Variants in PARD3 observed in about 807,000 individuals in gnomAD.
PARD3 encodes the protein partitioning defective 3 homolog.
A neutral mutation model predicts 155.4 loss-of-function variants in PARD3; 75 were observed. That is an observed-to-expected ratio of 0.48 (90% CI 0.40 to 0.58). The LOEUF is 0.58. Among genes scored for constraint, PARD3 ranks in the 20% least tolerant of loss-of-function variants. The pLI is 0.00. For synonymous variants in PARD3, 576 were observed against 610.5 expected (o/e 0.94, Z 0.83); for missense variants, 1,642 against 1,721.7 (o/e 0.95, Z 0.82).
At position 34,384,303 on chromosome 10, in the gene PARD3, G is replaced by A. The variant is rs374044059; in HGVS notation, c.891-49C>T. 27 of 1,560,332 alleles carry A rather than the reference G, an allele frequency of 1.7e-5. 1 individual carries two copies. In the African/African-American group the frequency reaches 3.4e-4, roughly 20 times the overall value. ...ATTACACATGTAATATCTCCACCAT[G>A]CACACTGCCTTACCACTTTAATGCT... On this transcript the variant is annotated intron_variant, in intron 7 of 24. Transcript: ENST00000374788.
intron 23 of PARD3, 76 bp downstream of exon 23, chr10:34,131,387 T>C: frequency 6.5e-7 from 1 of 1,537,996 alleles, no homozygotes; most frequent in Non-Finnish European, 9.0e-7. Context: ...CATAGAGCAT[T>C]GAGGTCATAG....
chr10:34,754,042 C>T (rs570188287), intron 1 of PARD3, among the ~76,000 whole-genome samples: 1 of 151,304 alleles, frequency 6.6e-6, no homozygotes, highest in South Asian at 2.1e-4. Context: ...TTAGAGACAT[C>T]GTCTCCTTGT....
intron 22 of PARD3, among the ~76,000 whole-genome samples, chr10:34,202,587 A>C (rs1951269865): frequency 6.6e-6 from 1 of 152,196 alleles, no homozygotes; most frequent in Non-Finnish European, 1.5e-5. Flanking sequence ...GATGATCAAG[A>C]ACCAGGCAAG....
intron 5 of PARD3, among the ~76,000 whole-genome samples, chr10:34,413,888 A>G (rs989331686): frequency 5.3e-5 from 8 of 152,244 alleles, no homozygotes; most frequent in African/African-American, 1.9e-4. Context: ...GACACTAGTA[A>G]TAACATTGCA....
chr10:34,349,504 G>A (rs1837776359), intron 14 of PARD3, among the ~76,000 whole-genome samples: 1 of 138,684 alleles, frequency 7.2e-6, no homozygotes, highest in Non-Finnish European at 1.5e-5. Context: ...AAATATTCAA[G>A]GTCTCTGATG....
At chr10:34,671,024 A>G (rs2133244344) in intron 2 of PARD3, among the ~76,000 whole-genome samples, 1 of 152,352 alleles carries the variant, frequency 6.6e-6, no homozygotes, top group African/African-American at 2.4e-5. Context: ...GAGGCAGATG[A>G]GGTAGCATCT....
intron 5 of PARD3, among the ~76,000 whole-genome samples, chr10:34,450,060 A>G (rs1341844769): frequency 2.0e-5 from 3 of 152,224 alleles, no homozygotes; most frequent in Non-Finnish European, 2.9e-5. Flanking sequence ...GTAGCATTAC[A>G]AACTCTAAAG....
At chr10:34,383,060 A>C in intron 8 of PARD3, 138 bp from the exon 9 acceptor site, 1 of 821,702 alleles carries the variant, frequency 1.2e-6, no homozygotes. Context: ...CTAATAACCC[A>C]TTTATCAATC....
chr10:34,344,370 C>T, intron 15 of PARD3: 1 of 790,240 alleles, frequency 1.3e-6, no homozygotes, highest in Non-Finnish European at 1.5e-6. Flanking sequence ...GCAAGCTCTG[C>T]CTCCTGGGTT....
chr10:34,547,137 C>G (rs913997562), intron 2 of PARD3, among the ~76,000 whole-genome samples: 3 of 152,200 alleles, frequency 2.0e-5, no homozygotes, highest in Admixed American at 2.0e-4. Flanking sequence ...TTGAACAGTT[C>G]ATCAAAAAGC....
intron 2 of PARD3, among the ~76,000 whole-genome samples, chr10:34,635,219 C>A (rs2092425206): frequency 6.6e-6 from 1 of 152,248 alleles, no homozygotes; most frequent in African/African-American, 2.4e-5. Flanking sequence ...TGCTCTCAGC[C>A]CACCATGTTG....
rs1045568560 is a variant in PARD3 at position 34,369,693 on chromosome 10, A to G, written c.1707+2805T>C. 2.0e-5 allele frequency among the ~76,000 whole-genome samples: 3 copies of G among 152,220 alleles called. No individual in the cohort carries two copies. In the East Asian group the frequency reaches 5.8e-4, roughly 29 times the overall value. On this transcript the variant is annotated intron_variant, in intron 12 of 24. Coordinates refer to ENST00000374788, the MANE Select transcript of PARD3 (RefSeq NM_001184785.2). ...AAGAATCATAACTGTATGCACAGTTACCATTCCTGTGGTTTAAAGTTGATA... is the reference window on the plus strand; with the variant it reads ...AAGAATCATAACTGTATGCACAGTTGCCATTCCTGTGGTTTAAAGTTGATA...
At chr10:34,237,958 C>T (rs894477521) in intron 22 of PARD3, among the ~76,000 whole-genome samples, 4 of 152,068 alleles carry the variant, frequency 2.6e-5, no homozygotes, top group Non-Finnish European at 5.9e-5. Flanking sequence ...AGGAATATAA[C>T]ATTGCATCAA....
chr10:34,302,673 G>C (rs1038336351), intron 20 of PARD3, among the ~76,000 whole-genome samples: 1 of 152,178 alleles, frequency 6.6e-6, no homozygotes, highest in Non-Finnish European at 1.5e-5. Context: ...TTGCAAGGTA[G>C]GATGTATTTC....
At chr10:34,453,709 C>A (rs1038578041) in intron 4 of PARD3, among the ~76,000 whole-genome samples, 1 of 152,172 alleles carries the variant, frequency 6.6e-6, no homozygotes, top group Non-Finnish European at 1.5e-5. Context: ...CCTGTCACAC[C>A]TACAGCATAT....
In PARD3 at chr10:34,130,421, G is replaced by C. The variant is rs537855423; in HGVS notation, c.3540+1042C>G. Reference sequence around the variant, plus strand: ...CACAAATTTATTCCTTCTATTCCCAGTCTTCTAAGCATTGCCGGTTAGGTC... The same window carrying C: ...CACAAATTTATTCCTTCTATTCCCACTCTTCTAAGCATTGCCGGTTAGGTC... On this transcript the variant is annotated intron_variant, in intron 23 of 24. Transcript: ENST00000374788. Among the ~76,000 whole-genome samples, 5 of 152,234 alleles carry C rather than the reference G, an allele frequency of 3.3e-5. No individual in the cohort carries two copies. In the East Asian group the frequency reaches 9.7e-4, roughly 29 times the overall value.
Position 34,516,963 on chromosome 10 carries a change from A to G in PARD3, c.403+16T>C. On this transcript the variant is annotated intron_variant, in intron 3 of 24. Coordinates refer to ENST00000374788, the MANE Select transcript of PARD3 (RefSeq NM_001184785.2). ...AATTAAGATGAAATGGAAGAGAAGA[A>G]AGAGCTTTCACTTACTTGCTCGAAG... 6.2e-7 allele frequency: 1 copy of G among 1,609,804 alleles called. No homozygotes were observed. The highest frequency in any genetic ancestry group is 8.5e-7 in the Non-Finnish European group (1 of 1,176,444).
At chr10:34,714,467 C>T (rs574461038) in intron 1 of PARD3, among the ~76,000 whole-genome samples, 1 of 152,296 alleles carries the variant, frequency 6.6e-6, no homozygotes, top group African/African-American at 2.4e-5. Flanking sequence ...CCCCACACTG[C>T]GTGGGGTCCA....
rs894858669 is a variant in PARD3 at position 34,401,718 on chromosome 10, T to G, written c.806+108A>C. On this transcript the variant is annotated intron_variant, in intron 6 of 24. Coordinates refer to ENST00000374788, the MANE Select transcript of PARD3 (RefSeq NM_001184785.2). Reference sequence around the variant, plus strand: ...AAAACAAATCAATGCACGGCATGTTTTTAACTAAGCACAAACATTCCTCAT... The same window carrying G: ...AAAACAAATCAATGCACGGCATGTTGTTAACTAAGCACAAACATTCCTCAT... 7 of 797,980 alleles carry G rather than the reference T, an allele frequency of 8.8e-6. No individual in the cohort carries two copies. In the African/African-American group the frequency reaches 1.2e-4, roughly 13 times the overall value. The allele number at this position is 797,980 out of a possible 1,614,324, so 49.4% of individuals were successfully genotyped here. A position where few individuals can be genotyped will look rare whatever the true frequency, so the allele number is the denominator to read the frequency against.
Sources: allele counts gnomAD v4.1 joint callset (sites outside exome capture counted in the v4.1 genomes callset), GRCh38; gene constraint gnomAD v4.1.1; transcripts MANE v1.5; gene names NCBI Gene and HGNC (gene_info 2026-07-23, HGNC 2026-07-21).